The following TCF7L2 variants were observed in gnomAD, a reference collection of about 807,000 sequenced individuals.
TCF7L2 encodes transcription factor 7-like 2.
A neutral mutation model predicts 77.9 loss-of-function variants in TCF7L2; 23 were observed. The observed-to-expected ratio is 0.30, with a 90% CI of 0.21 to 0.42. TCF7L2 has a LOEUF of 0.42. TCF7L2 is among the 10% of genes least tolerant of loss of function. TCF7L2 has a pLI of 1.00. For missense variants in TCF7L2, 654 were observed against 793.1 expected, an observed-to-expected ratio of 0.82 and a Z score of 2.11; for synonymous variants, 413 against 340.2, an observed-to-expected ratio of 1.21 and a Z score of -2.36.
chr10:113,144,086 T>TTGTGTGTGTG, intron 7 of TCF7L2, 61 bp downstream of exon 7: 1 of 1,340,446 alleles, frequency 7.5e-7, no homozygotes, highest in South Asian at 1.2e-5. Flanking sequence ...TTATTATTTA[T>TTGTGTGTGTG]TCTGTGTGTG....
At chr10:112,951,703 T>G (rs997868978) in intron 3 of TCF7L2, 96 bp downstream of exon 3, 11 of 445,352 alleles carry the variant, frequency 2.5e-5, no homozygotes, top group African/African-American at 1.3e-4. Flanking sequence ...CCTCCCCGCC[T>G]CCCCCTCCCC....
intron 13 of TCF7L2, among the ~76,000 whole-genome samples, chr10:113,164,565 A>G (rs2073753203): frequency 6.7e-6 from 1 of 149,088 alleles, no homozygotes; most frequent in African/African-American, 2.5e-5. Flanking sequence ...CCTTCTCACT[A>G]CGGGGTGGGG....
At chr10:113,007,195 T>C (rs1226065168) in intron 4 of TCF7L2, among the ~76,000 whole-genome samples, 1 of 152,164 alleles carries the variant, frequency 6.6e-6, no homozygotes, top group African/African-American at 2.4e-5. Flanking sequence ...CTGGCTCTCT[T>C]AGAGGTGTGT....
chr10:113,088,464 T>C (rs74157212), intron 5 of TCF7L2, among the ~76,000 whole-genome samples: 3,236 of 152,330 alleles, frequency 0.021, 124 homozygotes, highest in African/African-American at 0.073. Flanking sequence ...GGCACACTCC[T>C]GTCCAGGGCC....
intron 5 of TCF7L2, among the ~76,000 whole-genome samples, chr10:113,103,243 T>G (rs2061868906): frequency 6.6e-6 from 1 of 152,232 alleles, no homozygotes. Context: ...CCCAGCTGTA[T>G]GAGAAGCTCA....
intron 5 of TCF7L2, among the ~76,000 whole-genome samples, chr10:113,130,709 TCCATTATA>T (rs1336489566): frequency 1.3e-5 from 2 of 152,052 alleles, no homozygotes; most frequent in Non-Finnish European, 2.9e-5. Flanking sequence ...GGATTTAGGA[TCCATTATA>T]CTCTCTTCAA....
intron 3 of TCF7L2, among the ~76,000 whole-genome samples, chr10:112,963,259 A>T (rs1004106420): frequency 6.6e-6 from 1 of 152,022 alleles, no homozygotes; most frequent in Non-Finnish European, 1.5e-5. Flanking sequence ...GTTTATTTTG[A>T]GTTAGTTCAA....
intron 4 of TCF7L2, among the ~76,000 whole-genome samples, chr10:113,032,609 T>C (rs537965379): frequency 1.7e-4 from 26 of 152,280 alleles, no homozygotes; most frequent in African/African-American, 6.3e-4. Context: ...GCCTAACAGT[T>C]GATAAGAAAA....
chr10:113,105,891 C>A (rs2062240641), intron 5 of TCF7L2, among the ~76,000 whole-genome samples: 1 of 152,048 alleles, frequency 6.6e-6, no homozygotes, highest in South Asian at 2.1e-4. Context: ...TAATTAGTAT[C>A]CTGATTTATT....
intron 5 of TCF7L2, among the ~76,000 whole-genome samples, chr10:113,115,219 A>G (rs2063571332): frequency 6.6e-6 from 1 of 152,262 alleles, no homozygotes; most frequent in African/African-American, 2.4e-5. Flanking sequence ...ATTCATTTAA[A>G]TAGTTTTTAA....
At chr10:113,013,172 G>A (rs1263348918) in intron 4 of TCF7L2, among the ~76,000 whole-genome samples, 1 of 139,220 alleles carries the variant, frequency 7.2e-6, no homozygotes, top group African/African-American at 2.7e-5. Context: ...AGGCTGGAGT[G>A]CAGTGGCGTG....
chr10:113,100,088 A>C (rs1223670117), intron 5 of TCF7L2, among the ~76,000 whole-genome samples: 2 of 152,226 alleles, frequency 1.3e-5, no homozygotes, highest in Non-Finnish European at 2.9e-5. Context: ...GCTGAGAGGA[A>C]GGACTTTTAC....
At chr10:113,008,026 A>G (rs1456350599) in intron 4 of TCF7L2, among the ~76,000 whole-genome samples, 1 of 152,240 alleles carries the variant, frequency 6.6e-6, no homozygotes, top group Non-Finnish European at 1.5e-5. Context: ...AGAGGGCCTC[A>G]GGGCTGAGGG....
Position 112,965,201 on chromosome 10 carries a change from G to A in TCF7L2, c.450+577G>A, listed in dbSNP as rs544445242. 4.6e-5 allele frequency among the ~76,000 whole-genome samples: 7 copies of A among 152,310 alleles called. No individual in the cohort carries two copies. In the East Asian group the frequency reaches 1.2e-3, roughly 25 times the overall value. On this transcript the variant is annotated intron_variant, in intron 4 of 13. Coordinates refer to ENST00000627217, the MANE Select transcript of TCF7L2 (RefSeq NM_001146274.2). ...GACCTGTCTATGTATGACACTAAATGTGCTGGAAGGGAAAGGCGACAGATC... is the reference window on the plus strand; with the variant it reads ...GACCTGTCTATGTATGACACTAAATATGCTGGAAGGGAAAGGCGACAGATC...
At chr10:113,130,797 C>T (rs2066469682) in intron 5 of TCF7L2, among the ~76,000 whole-genome samples, 1 of 151,702 alleles carries the variant, frequency 6.6e-6, no homozygotes, top group Non-Finnish European at 1.5e-5. Context: ...CGGAGTTTCG[C>T]TCTTATTACC....
chr10:112,973,197 G>A (rs578176331), intron 4 of TCF7L2, among the ~76,000 whole-genome samples: 71 of 152,324 alleles, frequency 4.7e-4, no homozygotes, highest in African/African-American at 1.5e-3. Context: ...CACCCCCAGG[G>A]TGTCAGGTTC....
At chr10:113,066,075 G>GC (rs1214944995) in intron 5 of TCF7L2, among the ~76,000 whole-genome samples, 2 of 152,132 alleles carry the variant, frequency 1.3e-5, no homozygotes, top group African/African-American at 4.8e-5. Flanking sequence ...TGTAAGATAT[G>GC]CTTAAGGTTG....
intron 4 of TCF7L2, among the ~76,000 whole-genome samples, chr10:112,985,487 A>G (rs1368178478): frequency 2.0e-5 from 3 of 152,134 alleles, no homozygotes; most frequent in South Asian, 2.1e-4. Context: ...TATTACTACA[A>G]GGATCAGTTT....
At chr10:113,091,298 C>T (rs976968880) in intron 5 of TCF7L2, among the ~76,000 whole-genome samples, 5 of 152,192 alleles carry the variant, frequency 3.3e-5, no homozygotes, top group African/African-American at 1.2e-4. Context: ...ATACCTCATA[C>T]GGTTTTGCAA....
Sources: allele counts gnomAD v4.1 joint callset (sites outside exome capture counted in the v4.1 genomes callset), GRCh38; gene constraint gnomAD v4.1.1; transcripts MANE v1.5; gene names NCBI Gene and HGNC (gene_info 2026-07-23, HGNC 2026-07-21).